Variants in MOK observed in about 807,000 individuals in gnomAD.
MOK encodes MOK protein kinase.
In MOK, 59 loss-of-function variants were observed where a neutral mutation model predicts 54.2. The observed-to-expected ratio is 1.09, with a 90% CI of 0.88 to 1.35. The LOEUF is 1.35. Ranked by LOEUF, MOK falls within the 40% of genes most tolerant of loss-of-function variation. The pLI is 0.00. For synonymous variants in MOK, 210 were observed against 202.7 expected, an observed-to-expected ratio of 1.04 and a Z score of -0.31; for missense variants, 517 against 526.2, an observed-to-expected ratio of 0.98 and a Z score of 0.17.
At chr14:102,289,278 CAG>C (rs1353504595) in intron 1 of MOK, among the ~76,000 whole-genome samples, 2 of 151,742 alleles carry the variant, frequency 1.3e-5, no homozygotes, top group African/African-American at 4.8e-5. Context: ...TAGGAATAAG[CAG>C]AGAGTATAAG....
downstream of MOK, among the ~76,000 whole-genome samples, chr14:102,220,873 A>T (rs111641185): frequency 7.7e-3 from 1,174 of 152,096 alleles, 10 homozygotes; most frequent in African/African-American, 0.027. This position sits in a 1 kb window ranked among gnomAD's most constrained non-coding sequence, Gnocchi z 4.2. Flanking sequence ...GGCTCAAGCC[A>T]TCCTCCTGCC....
intron 1 of MOK, among the ~76,000 whole-genome samples, chr14:102,292,714 G>T (rs1022570130): frequency 4.0e-5 from 6 of 151,050 alleles, no homozygotes; most frequent in Non-Finnish European, 8.8e-5. Flanking sequence ...TCCACAATCT[G>T]TTCTCTCTTG....
In MOK at chr14:102,302,479, G is replaced by A. The variant is rs190432880; in HGVS notation, c.7+2483C>T. Among the ~76,000 whole-genome samples the A allele has an allele frequency of 5.3e-5, 8 of 151,400 alleles. No individual in the cohort carries two copies. In the East Asian group the frequency reaches 7.8e-4, roughly 15 times the overall value. On this transcript the variant is annotated intron_variant, in intron 1 of 11. Transcript: ENST00000361847. ...TGCCCAGGCTGCAGTACAGTGGCCC[G>A]ATCTCAGCTCACTGCAAGCTCTGCC...
chr14:102,258,816 C>G, intron 4 of MOK, among the ~76,000 whole-genome samples: 1 of 152,156 alleles, frequency 6.6e-6, no homozygotes, highest in East Asian at 1.9e-4. Context: ...GCCTATAATC[C>G]CAGCACTTTG....
chr14:102,292,468 A>G (rs894847610), intron 1 of MOK, among the ~76,000 whole-genome samples: 4 of 152,064 alleles, frequency 2.6e-5, no homozygotes, highest in African/African-American at 4.8e-5. Context: ...GCAAGACTCC[A>G]TCTCAAAAAA....
intron 1 of MOK, among the ~76,000 whole-genome samples, chr14:102,304,675 C>T (rs2072581105): frequency 1.3e-5 from 2 of 152,340 alleles, no homozygotes; most frequent in South Asian, 4.1e-4. Flanking sequence ...ATGTAAGAAC[C>T]ACGCACCTGC....
intron 2 of MOK, chr14:102,277,312 T>C (rs2068968679): frequency 6.6e-6 from 1 of 152,104 alleles, no homozygotes; most frequent in Non-Finnish European, 1.5e-5. Context: ...TTGTAATGAA[T>C]GTTGCTCAGC....
At chr14:102,260,109 G>T (rs2067264395) in intron 4 of MOK, among the ~76,000 whole-genome samples, 1 of 151,646 alleles carries the variant, frequency 6.6e-6, no homozygotes, top group South Asian at 2.1e-4. Flanking sequence ...CCGGGAGGCG[G>T]AGGTTGTGGT....
Position 102,229,442 on chromosome 14 carries a change from C to A in MOK, c.1182+15G>T. 2 of 1,614,208 alleles carry A rather than the reference C, an allele frequency of 1.2e-6. No individual in the cohort carries two copies. The highest frequency in any genetic ancestry group is 2.2e-5 in the South Asian group (2 of 91,090). Reference sequence around the variant, plus strand: ...TCGAAGAGCAGCGCCGTCAGAGAAGCTGGTTCCGCGCTACCTTCTTGCTCG... The same window carrying A: ...TCGAAGAGCAGCGCCGTCAGAGAAGATGGTTCCGCGCTACCTTCTTGCTCG... On this transcript the variant is annotated intron_variant, in intron 11 of 11. Coordinates refer to ENST00000361847, the MANE Select transcript of MOK (RefSeq NM_014226.3).
intron 1 of MOK, among the ~76,000 whole-genome samples, chr14:102,290,679 G>A (rs2070679345): frequency 6.6e-6 from 1 of 152,146 alleles, no homozygotes; most frequent in Non-Finnish European, 1.5e-5. Context: ...ACCTGAGGAT[G>A]CTGAATCTCC....
At chr14:102,233,450 A>G in intron 8 of MOK, 2 of 497,418 alleles carry the variant, frequency 4.0e-6, no homozygotes, top group Non-Finnish European at 7.2e-6. Flanking sequence ...CCCAGCCCTC[A>G]GAAAGCCTGT....
intron 2 of MOK, among the ~76,000 whole-genome samples, chr14:102,272,642 A>C (rs754519462): frequency 3.9e-5 from 6 of 152,230 alleles, no homozygotes; most frequent in Admixed American, 1.3e-4. Context: ...AATGAATGTT[A>C]TCCACCACAA....
At chr14:102,274,329 A>C (rs532033590) in intron 2 of MOK, among the ~76,000 whole-genome samples, 1 of 147,788 alleles carries the variant, frequency 6.8e-6, no homozygotes, top group African/African-American at 2.5e-5. Flanking sequence ...ATCTTGGCTC[A>C]CTGAAGCCTC....
At chr14:102,226,619 A>C (rs1007981656), downstream of MOK, among the ~76,000 whole-genome samples, 5 of 152,168 alleles carry the variant, frequency 3.3e-5, no homozygotes, top group Non-Finnish European at 7.3e-5. This position sits in a 1 kb window ranked among gnomAD's most constrained non-coding sequence, Gnocchi z 4.8. Context: ...GGACACAGGG[A>C]ACCACACGCA....
At chr14:102,250,565 C>G (rs2066446890) in intron 7 of MOK, among the ~76,000 whole-genome samples, 1 of 152,200 alleles carries the variant, frequency 6.6e-6, no homozygotes, top group African/African-American at 2.4e-5. Flanking sequence ...CAGCTGCCCA[C>G]ACCACCAGGG....
At chr14:102,259,364 T>C (rs1363202510) in intron 4 of MOK, among the ~76,000 whole-genome samples, 1 of 152,184 alleles carries the variant, frequency 6.6e-6, no homozygotes, top group Non-Finnish European at 1.5e-5. Context: ...TCATCATCAA[T>C]AACCGTAAAT....
intron 1 of MOK, among the ~76,000 whole-genome samples, chr14:102,295,801 C>T (rs1362698493): frequency 6.6e-6 from 1 of 152,142 alleles, no homozygotes; most frequent in Non-Finnish European, 1.5e-5. Context: ...CCTATTAACC[C>T]AGTAAGTCCA....
Position 102,238,535 on chromosome 14 carries a change from GGCA to G in MOK, c.591-4749_591-4747del, listed in dbSNP as rs771374105. On this transcript the variant is annotated intron_variant, in intron 7 of 11. Coordinates refer to ENST00000361847, the MANE Select transcript of MOK (RefSeq NM_014226.3). The surrounding 1 kb of genome is among the most constrained non-coding windows in gnomAD (Gnocchi z 4.8). ...CAAGAGGCAACAGAAAGACCAATGG[GGCA>G]GCAAAAGAAGCCTCCCTTTCTTCCG... The G allele has an allele frequency of 1.3e-5, 2 of 152,156 alleles. No homozygotes were observed. The highest frequency in any genetic ancestry group is 2.9e-5 in the Non-Finnish European group (2 of 68,122). 9.4% of individuals were successfully genotyped at this position (152,156 alleles called of 1,614,324 possible). A position where few individuals can be genotyped will look rare whatever the true frequency, so the allele number is the denominator to read the frequency against.
intron 1 of MOK, among the ~76,000 whole-genome samples, chr14:102,286,286 G>A (rs542463105): frequency 4.2e-5 from 5 of 118,544 alleles, no homozygotes; most frequent in African/African-American, 1.3e-4. Context: ...GCGACAGAGC[G>A]AGACTCCGTC....
Sources: gnomAD v4.1 joint callset for allele counts (sites outside exome capture counted in the v4.1 genomes callset) on GRCh38, gnomAD v4.1.1 for gene constraint, Gnocchi (gnomAD v3.1) non-coding constraint, MANE v1.5 for transcripts, NCBI Gene and HGNC (gene_info 2026-07-23, HGNC 2026-07-21) for gene names.